MRAS: variants seen among roughly 807,000 people sequenced by gnomAD.
MRAS encodes the protein muscle RAS oncogene homolog.
In MRAS, 4 loss-of-function variants were observed where a neutral mutation model predicts 20.9. That is an observed-to-expected ratio of 0.19 (90% CI 0.09 to 0.44). The LOEUF (loss-of-function observed/expected upper bound fraction) is 0.44. Ranked by LOEUF, MRAS falls within the 20% of genes least tolerant of loss-of-function variation. MRAS has a pLI of 0.99. For missense variants in MRAS, 154 were observed against 277.5 expected (o/e 0.56, Z 3.16); for synonymous variants, 98 against 102.9 (o/e 0.95, Z 0.29).
At chr3:138,355,345 C>T (rs975461591) in intron 1 of MRAS, among the ~76,000 whole-genome samples, 2 of 152,210 alleles carry the variant, frequency 1.3e-5, no homozygotes, top group Non-Finnish European at 2.9e-5. Context: ...CTTCTCCTTT[C>T]CACCTACTGA....
intron 1 of MRAS, among the ~76,000 whole-genome samples, chr3:138,364,202 T>C (rs976403295): frequency 6.6e-6 from 1 of 150,698 alleles, no homozygotes; most frequent in African/African-American, 2.4e-5. Flanking sequence ...AAGGGAGAGG[T>C]AGGAGGCTGA....
At chr3:138,383,940 T>C (rs1490003853) in intron 2 of MRAS, among the ~76,000 whole-genome samples, 1 of 152,122 alleles carries the variant, frequency 6.6e-6, no homozygotes, top group Non-Finnish European at 1.5e-5. Context: ...GCTTTCCTGA[T>C]AAGGGAATGT....
At chr3:138,351,014 A>G (rs1438977272) in intron 1 of MRAS, among the ~76,000 whole-genome samples, 1 of 151,660 alleles carries the variant, frequency 6.6e-6, no homozygotes, top group African/African-American at 2.4e-5. Flanking sequence ...AGCTCTAGTG[A>G]TCACCTGGAA....
intron 2 of MRAS, among the ~76,000 whole-genome samples, chr3:138,382,277 A>G (rs1186948362): frequency 1.3e-5 from 2 of 152,126 alleles, no homozygotes; most frequent in East Asian, 3.9e-4. Context: ...CCTTCCTCAC[A>G]TTGCTGACAC....
intron 2 of MRAS, among the ~76,000 whole-genome samples, chr3:138,396,104 G>T (rs7642400): frequency 6.6e-6 from 1 of 151,972 alleles, no homozygotes; most frequent in Non-Finnish European, 1.5e-5. Context: ...AGAAGGGGAG[G>T]GAAGGGGGAG....
Position 138,377,345 on chromosome 3 carries a change from G to A in MRAS, c.193+4269G>A, listed in dbSNP as rs138112067. 7.5e-3 allele frequency among the ~76,000 whole-genome samples: 1,139 copies of A among 152,314 alleles called. 11 individuals carry two copies. The highest frequency in any genetic ancestry group is 0.026 in the African/African-American group (1,061 of 41,568). ...GACTTGGCCGGGTGCGGTGGCTCAC[G>A]CCTGTAATCCCACCACTTTGTGAGG... On this transcript the variant is annotated intron_variant, in intron 2 of 5. Coordinates refer to ENST00000423968, the MANE Select transcript of MRAS (RefSeq NM_001085049.3).
chr3:138,351,775 G>A lies in MRAS; in HGVS notation c.-19+3008G>A, dbSNP rs112114283. On this transcript the variant is annotated intron_variant, in intron 1 of 5. Transcript: ENST00000423968. ...TGGGACAGGTAGCCATAAAGGCTGA[G>A]TGTCTGGAGTTCAGAGTAATAGGTT... Among the ~76,000 whole-genome samples, 10 of 152,330 alleles carry A rather than the reference G, an allele frequency of 6.6e-5. 1 individual carries two copies. The highest frequency in any genetic ancestry group is 2.4e-4 in the African/African-American group (10 of 41,566).
Position 138,400,478 on chromosome 3 carries a change from A to G in MRAS, c.448-56A>G. 2.0e-6 allele frequency: 3 copies of G among 1,512,802 alleles called. No homozygotes were observed. In the South Asian group the frequency reaches 3.4e-5, roughly 17 times the overall value. The allele number at this position is 1,512,802 out of a possible 1,614,324, so 93.7% of individuals were successfully genotyped here. The stretch of plus-strand genomic sequence containing the variant: ...AACCTCTGGGCATTTTTAAGGGTGT[A>G]ACAGGGCTTTGAGGATCTCTGTGCC... On this transcript the variant is annotated intron_variant, in intron 4 of 5. Transcript: ENST00000423968.
intron 2 of MRAS, among the ~76,000 whole-genome samples, chr3:138,373,328 A>C (rs1364076801): frequency 6.6e-6 from 1 of 152,234 alleles, no homozygotes; most frequent in Admixed American, 6.5e-5. Flanking sequence ...CAACTCAGTG[A>C]TGTCATGTGT....
intron 3 of MRAS, 58 bp downstream of exon 3, chr3:138,397,535 C>T (rs549989477): frequency 1.0e-5 from 16 of 1,585,118 alleles, no homozygotes; most frequent in East Asian, 4.5e-5. Context: ...CCTCCTAGGG[C>T]GCTCTCTCTC....
At chr3:138,352,327 C>T (rs546263625) in intron 1 of MRAS, among the ~76,000 whole-genome samples, 1 of 152,340 alleles carries the variant, frequency 6.6e-6, no homozygotes, top group Admixed American at 6.5e-5. Context: ...CTTGCCCTGG[C>T]CCCCAGCACT....
Position 138,363,818 on chromosome 3 carries a change from T to A in MRAS, c.-18-9048T>A, listed in dbSNP as rs574961533. On this transcript the variant is annotated intron_variant, in intron 1 of 5. Transcript: ENST00000423968. Reference sequence around the variant, plus strand: ...ATGTCATGTGACCTGTTAGAGGATTTACCCCCCCCCCCCCCCAAACCACAG... The same window carrying A: ...ATGTCATGTGACCTGTTAGAGGATTAACCCCCCCCCCCCCCCAAACCACAG... Among the ~76,000 whole-genome samples the A allele has an allele frequency of 1.3e-3, 87 of 65,454 alleles. 4 individuals carry two copies. Among genetic ancestry groups the A allele is most frequent in the African/African-American group, 5.3e-3 (79 of 14,810 alleles). 42.9% of individuals were successfully genotyped at this position (65,454 alleles called of 152,430 possible).
In MRAS at chr3:138,379,357, C is replaced by CTTTT. The variant is rs35120152; in HGVS notation, c.193+6302_193+6305dup. ...CATGTTGCTGCAAATGACAGAATGT[C>CTTTT]TTTTTTTTTTTTTTTTTTTTTTTTG... On this transcript the variant is annotated intron_variant, in intron 2 of 5. Transcript: ENST00000423968. Among the ~76,000 whole-genome samples the CTTTT allele has an allele frequency of 2.2e-3, 174 of 77,614 alleles. 2 individuals carry two copies. The highest frequency in any genetic ancestry group is 7.4e-3 in the African/African-American group (149 of 20,020). The allele number at this position is 77,614 out of a possible 152,430, so 50.9% of individuals were successfully genotyped here. A position where few individuals can be genotyped will look rare whatever the true frequency, so the allele number is the denominator to read the frequency against.
intron 2 of MRAS, among the ~76,000 whole-genome samples, chr3:138,378,952 T>C (rs2054842851): frequency 6.6e-6 from 1 of 152,142 alleles, no homozygotes; most frequent in African/African-American, 2.4e-5. Flanking sequence ...TATTCATACA[T>C]ATTTTGAGGG....
At chr3:138,372,347 A>G (rs9289559) in intron 1 of MRAS, among the ~76,000 whole-genome samples, 90,036 of 151,932 alleles carry the variant, frequency 0.59, 27,720 homozygotes, top group East Asian at 0.73. Context: ...AGGAGCCACA[A>G]TCATAGAATT....
rs1319023236 is a variant in MRAS, at chr3:138,397,584, A to G, written c.347+107A>G. The G allele has an allele frequency of 2.9e-6, 4 of 1,360,922 alleles. No homozygotes were observed. The African/African-American group carries it at 4.4e-5, about 15-fold the overall frequency. The allele number at this position is 1,360,922 out of a possible 1,614,324, so 84.3% of individuals were successfully genotyped here. A position where few individuals can be genotyped will look rare whatever the true frequency, so the allele number is the denominator to read the frequency against. On this transcript the variant is annotated intron_variant, in intron 3 of 5. Transcript: ENST00000423968. ...TTCTCTCTCTCTCACCCCTAATTAA[A>G]GGCGTGGATTTTTTTAAGCCTTATG...
intron 1 of MRAS, among the ~76,000 whole-genome samples, chr3:138,369,311 C>G (rs1035739735): frequency 3.3e-5 from 5 of 152,174 alleles, no homozygotes; most frequent in African/African-American, 9.7e-5. Flanking sequence ...ATTGTGGCGT[C>G]TGTGGCAGGA....
chr3:138,394,096 TC>T lies in MRAS; in HGVS notation c.194-3227del, dbSNP rs1448776270. 8.8e-5 allele frequency among the ~76,000 whole-genome samples: 13 copies of T among 148,206 alleles called. No homozygotes were observed. In the South Asian group the frequency reaches 2.8e-3, roughly 31 times the overall value. On this transcript the variant is annotated intron_variant, in intron 2 of 5. Transcript: ENST00000423968. ...GTTCTGAGTCGAATTTTTTTTTTTT[TC>T]TAAGAAAAAAAAAAGCTGCAGTCCC...
intron 2 of MRAS, among the ~76,000 whole-genome samples, chr3:138,383,863 G>C (rs2054955232): frequency 6.6e-6 from 1 of 152,310 alleles, no homozygotes; most frequent in Middle Eastern, 3.4e-3. Flanking sequence ...CTGTGATGAA[G>C]GTCAGACAAG....
Sources: allele counts gnomAD v4.1 joint callset (sites outside exome capture counted in the v4.1 genomes callset), GRCh38; gene constraint gnomAD v4.1.1; transcripts MANE v1.5; gene names NCBI Gene and HGNC (gene_info 2026-07-23, HGNC 2026-07-21).